The following LMTK2 variants were observed in gnomAD, a reference collection of about 807,000 sequenced individuals.
LMTK2 encodes the protein serine/threonine-protein kinase LMTK2.
LMTK2 carries 37 observed loss-of-function variants against 127.5 expected under a neutral mutation model. The ratio of observed to expected loss-of-function variants is 0.29; its 90% CI spans 0.22 to 0.38. The LOEUF (loss-of-function observed/expected upper bound fraction) is 0.38. LMTK2 is among the 10% of genes least tolerant of loss of function. The pLI is 1.00. For synonymous variants in LMTK2, 819 were observed against 810.1 expected (o/e 1.01, Z -0.19); for missense variants, 1,694 against 1,920.3 (o/e 0.88, Z 2.20).
intron 4 of LMTK2, among the ~76,000 whole-genome samples, chr7:98,153,931 T>C (rs997730734): frequency 6.6e-6 from 1 of 152,228 alleles, no homozygotes; most frequent in Admixed American, 6.5e-5. Context: ...TCTGTCCTTA[T>C]ATTTCTAATA....
Position 98,192,372 on chromosome 7 carries a change from T to G in LMTK2, c.1907T>G (p.Phe636Cys). Residue 636 changes from phenylalanine (F) to cysteine (C), a missense_variant, in exon 11 of 14, where the codon TTT (phenylalanine) becomes TGT (cysteine). Phe to Cys is a radical substitution (Grantham distance 205). Coordinates refer to ENST00000297293, the MANE Select transcript of LMTK2 (RefSeq NM_014916.4). Reference protein sequence around the residue: ...SGPESPFNNIFNDVDKSEDLP... With the variant: ...SGPESPFNNICNDVDKSEDLP... ...CCCGAGAGCCCTTTCAACAATATAT[T>G]TAATGATGTGGACAAATCGGAAGAT... 1.9e-6 allele frequency: 3 copies of G among 1,600,282 alleles called. No homozygotes were observed. The highest frequency in any genetic ancestry group is 2.6e-6 in the Non-Finnish European group (3 of 1,176,232).
intron 1 of LMTK2, among the ~76,000 whole-genome samples, chr7:98,107,866 A>G (rs376957171): frequency 6.6e-6 from 1 of 152,114 alleles, no homozygotes; most frequent in African/African-American, 2.4e-5. Flanking sequence ...TTGAATAACT[A>G]TTGACAAACT....
chr7:98,141,573 A>C (rs773258519), intron 3 of LMTK2, 32 bp downstream of exon 3: 1 of 1,599,962 alleles, frequency 6.3e-7, no homozygotes, highest in African/African-American at 1.3e-5. Context: ...CCACGTTTTC[A>C]TGAATTGTTT....
chr7:98,140,095 TTTC>T (rs765147243), intron 2 of LMTK2, among the ~76,000 whole-genome samples: 3 of 2,544 alleles, frequency 1.2e-3, no homozygotes, highest in East Asian at 0.1. Context: ...TCTTTCTTTC[TTTC>T]TTTCTTTCTT....
chr7:98,119,440 T>C (rs1183708964), intron 1 of LMTK2, among the ~76,000 whole-genome samples: 2 of 152,204 alleles, frequency 1.3e-5, no homozygotes, highest in African/African-American at 4.8e-5. Context: ...TGTGAGTACA[T>C]ATGCCATCAC....
At chr7:98,159,479 G>A in intron 6 of LMTK2, 54 bp downstream of exon 6, 1 of 1,203,326 alleles carries the variant, frequency 8.3e-7, no homozygotes, top group East Asian at 2.3e-5. Flanking sequence ...GTATTCAAGT[G>A]TTTTTGACAG....
rs1797529352 is a variant in LMTK2, at chr7:98,191,819, A to G, written c.1354A>G (p.Arg452Gly). The change falls in exon 11 of 14, where the codon AGG (arginine) becomes GGG (glycine). Residue 452 changes from arginine to glycine, a missense_variant. Arg to Gly is a moderately radical substitution (Grantham distance 125). Around this residue, in one of 8 missense-constraint regions of LMTK2, gnomAD observed 216 missense variants for 266.8 expected, o/e 0.81. Transcript: ENST00000297293. ...ATTCCCAATTCTCGACCACTTTGCC[A>G]GGGACCGGCTGGGTCGTGAAATGGA... Reference protein sequence around the residue: ...AAFPILDHFARDRLGREMEEV... With the variant: ...AAFPILDHFAGDRLGREMEEV... 4 of 1,614,052 alleles carry G rather than the reference A, an allele frequency of 2.5e-6. No homozygotes were observed. The highest frequency in any genetic ancestry group is 1.7e-6 in the Non-Finnish European group (2 of 1,180,034).
In LMTK2 at chr7:98,207,847, G is replaced by C. The variant is rs141009821; in HGVS notation, c.*2355G>C. 6.6e-6 allele frequency: 1 copy of C among 151,892 alleles called. No homozygotes were observed. Among genetic ancestry groups the C allele is most frequent in the African/African-American group, 2.4e-5 (1 of 41,198 alleles). 9.4% of individuals were successfully genotyped at this position (151,892 alleles called of 1,614,324 possible). A position where few individuals can be genotyped will look rare whatever the true frequency, so the allele number is the denominator to read the frequency against. On this transcript the variant is annotated 3_prime_UTR_variant, in exon 14 of 14. Transcript: ENST00000297293. ...TCACGCCTGCAATCCCAACACATTG[G>C]GGGGTCGAGGCGGACGGATCACTTT... is the stretch of plus-strand genomic sequence containing the variant.
At chr7:98,174,684 A>G (rs762201908) in intron 7 of LMTK2, among the ~76,000 whole-genome samples, 50 of 152,194 alleles carry the variant, frequency 3.3e-4, no homozygotes, top group Admixed American at 8.5e-4. Flanking sequence ...CTGGGTGACC[A>G]TTGTGTACAA....
At position 98,154,869 on chromosome 7, in the gene LMTK2, C is replaced by A; in HGVS notation, c.562C>A (p.Pro188Thr). ...EQDTFLKNGE[P>T]YYILQHPNIL... ...AGATACTTTTTTGAAAAATGGAGAA[C>A]CTTACTAGTAAGTAAACCTTGTCAT... Residue 188 changes from proline (P) to threonine (T), a missense_variant, in exon 5 of 14, where the codon CCT becomes ACT. By Grantham distance (38) the Pro-to-Thr change is conservative. Around this residue, in one of 8 missense-constraint regions of LMTK2, gnomAD observed 203 missense variants for 226.2 expected, o/e 0.90. Transcript: ENST00000297293. 1 of 1,580,112 alleles carries A rather than the reference C, an allele frequency of 6.3e-7. No individual in the cohort carries two copies. The highest frequency in any genetic ancestry group is 8.7e-7 in the Non-Finnish European group (1 of 1,148,964).
At position 98,192,222 on chromosome 7, in the gene LMTK2, T is replaced by C; in HGVS notation, c.1757T>C (p.Leu586Pro). Residue 586 changes from leucine (L) to proline (P), a missense_variant, in exon 11 of 14, where the codon CTG becomes CCG. Leu to Pro is a moderately conservative substitution (Grantham distance 98). Coordinates refer to ENST00000297293, the MANE Select transcript of LMTK2 (RefSeq NM_014916.4). Reference protein sequence around the residue: ...MDNPERTGPELSQLTALRSVE... With the variant: ...MDNPERTGPEPSQLTALRSVE... ...AATCCAGAAAGGACTGGCCCTGAACTGTCCCAGCTCACGGCGCTCAGGAGC... is the reference window on the plus strand; with the variant it reads ...AATCCAGAAAGGACTGGCCCTGAACCGTCCCAGCTCACGGCGCTCAGGAGC... 6.6e-7 allele frequency: 1 copy of C among 1,524,296 alleles called. No individual in the cohort carries two copies. Among genetic ancestry groups the C allele is most frequent in the Non-Finnish European group, 8.8e-7 (1 of 1,139,848 alleles). The allele number at this position is 1,524,296 out of a possible 1,614,324, so 94.4% of individuals were successfully genotyped here.
intron 7 of LMTK2, among the ~76,000 whole-genome samples, chr7:98,172,146 C>T (rs1318556144): frequency 6.6e-6 from 1 of 152,146 alleles, no homozygotes; most frequent in Non-Finnish European, 1.5e-5. Flanking sequence ...GGGTGGGCTT[C>T]AGGTGCCCAT....
intron 1 of LMTK2, among the ~76,000 whole-genome samples, chr7:98,108,865 T>A (rs2116308781): frequency 6.7e-6 from 1 of 148,288 alleles, no homozygotes; most frequent in African/African-American, 2.5e-5. Context: ...ACTTTTTTTT[T>A]TTTTTTTTTT....
chr7:98,109,212 T>A (rs1300414602), intron 1 of LMTK2, among the ~76,000 whole-genome samples: 5 of 152,134 alleles, frequency 3.3e-5, no homozygotes. Context: ...TTTTATGGTG[T>A]CATGAATTAT....
At chr7:98,200,070 C>T (rs1441534495) in intron 11 of LMTK2, among the ~76,000 whole-genome samples, 2 of 151,964 alleles carry the variant, frequency 1.3e-5, no homozygotes, top group African/African-American at 4.8e-5. Context: ...TTTAGTATTA[C>T]ATTTTTCTTT....
intron 1 of LMTK2, among the ~76,000 whole-genome samples, chr7:98,111,250 T>G (rs186948940): frequency 1.5e-4 from 23 of 152,348 alleles, no homozygotes; most frequent in Middle Eastern, 3.4e-3. Flanking sequence ...TTTAGAGTCC[T>G]TGGGCCCTCT....
intron 1 of LMTK2, among the ~76,000 whole-genome samples, chr7:98,124,343 GTTTC>G (rs1023985550): frequency 5.3e-5 from 8 of 152,120 alleles, no homozygotes; most frequent in Admixed American, 4.6e-4. Flanking sequence ...TCAGTGCTCC[GTTTC>G]TTCATTTTAA....
chr7:98,164,314 A>G (rs1423078819), intron 6 of LMTK2, among the ~76,000 whole-genome samples: 1 of 152,212 alleles, frequency 6.6e-6, no homozygotes, highest in South Asian at 2.1e-4. Flanking sequence ...CTCAACAAAA[A>G]TGGATTGAGC....
chr7:98,151,402 G>T lies in LMTK2; in HGVS notation c.397G>T (p.Ala133Ser), dbSNP rs770403837. 7.6e-5 allele frequency: 122 copies of T among 1,612,898 alleles called. No individual in the cohort carries two copies. The highest frequency in any genetic ancestry group is 9.8e-5 in the Non-Finnish European group (115 of 1,179,298). ...TACAGAGGGATTGAAGTCTCAAGTT[G>T]CCCGCCACAGTCTAAACTACATACA... ...PSVEGLKSQVARHSLNYIQEI... is the reference protein window; with the variant it reads ...PSVEGLKSQVSRHSLNYIQEI... The change falls in exon 4 of 14, where the codon GCC (alanine) becomes TCC (serine). Residue 133 changes from alanine (A) to serine (S), a missense_variant. Ala to Ser is a moderately conservative substitution (Grantham distance 99). Transcript: ENST00000297293.
Sources: allele counts gnomAD v4.1 joint callset (sites outside exome capture counted in the v4.1 genomes callset), GRCh38; gene constraint gnomAD v4.1.1; regional missense constraint gnomAD v4.1.1; transcripts MANE v1.5; gene names NCBI Gene and HGNC (gene_info 2026-07-23, HGNC 2026-07-21).